The following FOXP1 variants were observed in gnomAD, a reference collection of about 807,000 sequenced individuals.
FOXP1 encodes forkhead box protein P1.
Under a neutral mutation model 98.2 loss-of-function variants are expected in FOXP1, and 15 were observed. The ratio of observed to expected loss-of-function variants is 0.15; its 90% CI spans 0.10 to 0.24. The LOEUF (loss-of-function observed/expected upper bound fraction) is 0.24, where lower values mean the gene tolerates loss of function less well. Ranked by LOEUF, FOXP1 falls within the 10% of genes least tolerant of loss-of-function variation. The pLI, the probability that FOXP1 is intolerant of heterozygous loss-of-function variation, is 1.00. For missense variants in FOXP1, 633 were observed against 848.5 expected, an observed-to-expected ratio of 0.75 and a Z score of 3.15; for synonymous variants, 371 against 314.5, an observed-to-expected ratio of 1.18 and a Z score of -1.90.
chr3:71,504,078 C>T (rs972911734), intron 2 of FOXP1, among the ~76,000 whole-genome samples: 1 of 152,160 alleles, frequency 6.6e-6, no homozygotes, highest in Non-Finnish European at 1.5e-5. Flanking sequence ...TTTCGCAAGT[C>T]AGTGAGCTTC....
intron 6 of FOXP1, among the ~76,000 whole-genome samples, chr3:71,114,285 A>C (rs967398696): frequency 2.0e-5 from 3 of 152,160 alleles, no homozygotes; most frequent in Non-Finnish European, 4.4e-5. Context: ...AATGGAAGAG[A>C]GGTAAGGGGG....
intron 5 of FOXP1, among the ~76,000 whole-genome samples, chr3:71,281,918 A>T (rs1037577728): frequency 2.7e-5 from 4 of 150,590 alleles, no homozygotes; most frequent in African/African-American, 9.8e-5. Flanking sequence ...CCAACATGGC[A>T]AACCTCTGTC....
At chr3:71,025,197 G>T (rs2045950358) in intron 11 of FOXP1, among the ~76,000 whole-genome samples, 1 of 152,170 alleles carries the variant, frequency 6.6e-6, no homozygotes, top group Non-Finnish European at 1.5e-5. Flanking sequence ...AAAGAATGTT[G>T]ACTGGGCCCT....
intron 6 of FOXP1, among the ~76,000 whole-genome samples, chr3:71,133,975 T>C (rs558811264): frequency 2.6e-5 from 4 of 152,348 alleles, no homozygotes; most frequent in African/African-American, 9.6e-5. Flanking sequence ...TAATACTCCT[T>C]GTCCCTTAAA....
At chr3:71,336,861 T>A (rs1477115725) in intron 4 of FOXP1, among the ~76,000 whole-genome samples, 2 of 152,070 alleles carry the variant, frequency 1.3e-5, no homozygotes, top group African/African-American at 4.8e-5. Flanking sequence ...AGCTTGCCAA[T>A]GTGCAGGAGA....
At chr3:71,099,777 C>T (rs1409839712) in intron 7 of FOXP1, among the ~76,000 whole-genome samples, 1 of 152,152 alleles carries the variant, frequency 6.6e-6, no homozygotes, top group African/African-American at 2.4e-5. Context: ...ATGCTGCCTC[C>T]TCCCCCAACA....
At chr3:71,291,519 C>T (rs2072744004) in intron 5 of FOXP1, among the ~76,000 whole-genome samples, 1 of 152,086 alleles carries the variant, frequency 6.6e-6, no homozygotes, top group African/African-American at 2.4e-5. Context: ...CAATGCCTGG[C>T]ATACAGCAGG....
intron 4 of FOXP1, among the ~76,000 whole-genome samples, chr3:71,350,718 A>G (rs1372536901): frequency 1.3e-5 from 2 of 152,210 alleles, no homozygotes; most frequent in South Asian, 2.1e-4. Context: ...GTTGTGGGTT[A>G]GCTGAACCAT....
At chr3:71,420,885 A>G (rs1027685154) in intron 3 of FOXP1, among the ~76,000 whole-genome samples, 1 of 151,998 alleles carries the variant, frequency 6.6e-6, no homozygotes, top group African/African-American at 2.4e-5. Context: ...TTTTTGGTAG[A>G]GACAGAGTCT....
intron 2 of FOXP1, 60 bp from the exon 3 acceptor site, chr3:71,493,615 C>T (rs1008701504): frequency 6.6e-6 from 1 of 152,194 alleles, no homozygotes; most frequent in Non-Finnish European, 1.5e-5. Flanking sequence ...ACCACCACTT[C>T]CTTACACTTG....
chr3:71,542,436 G>C (rs756492618), intron 2 of FOXP1, among the ~76,000 whole-genome samples: 1 of 152,196 alleles, frequency 6.6e-6, no homozygotes, highest in Non-Finnish European at 1.5e-5. Flanking sequence ...TCGAAATCTC[G>C]TTTTTATAGC....
chr3:71,292,404 AGATCACTGT>A (rs2072852459), intron 5 of FOXP1: 1 of 152,180 alleles, frequency 6.6e-6, no homozygotes, highest in African/African-American at 2.4e-5. Flanking sequence ...GCATGATCTC[AGATCACTGT>A]AACCTCTGCC....
chr3:71,473,512 C>T (rs1377959587), intron 3 of FOXP1, among the ~76,000 whole-genome samples: 1 of 152,110 alleles, frequency 6.6e-6, no homozygotes, highest in East Asian at 1.9e-4. Flanking sequence ...GTATAGCCTT[C>T]TCACAAGTAA....
At chr3:71,421,294 T>A (rs889149262) in intron 3 of FOXP1, among the ~76,000 whole-genome samples, 2 of 152,108 alleles carry the variant, frequency 1.3e-5, no homozygotes, top group Non-Finnish European at 2.9e-5. Flanking sequence ...ATAAAAAAAA[T>A]TAAACACATT....
At chr3:71,478,807 G>A (rs2090050428) in intron 3 of FOXP1, among the ~76,000 whole-genome samples, 1 of 152,214 alleles carries the variant, frequency 6.6e-6, no homozygotes, top group African/African-American at 2.4e-5. Flanking sequence ...TTGCCATGGT[G>A]AGGCACCATG....
At chr3:71,370,939 C>T (rs2079266722) in intron 3 of FOXP1, among the ~76,000 whole-genome samples, 2 of 151,748 alleles carry the variant, frequency 1.3e-5, no homozygotes, top group South Asian at 4.2e-4. Flanking sequence ...GTAACTGGGA[C>T]TACAGGCACA....
chr3:71,040,438 A>G (rs1287834411), intron 11 of FOXP1: 1 of 152,172 alleles, frequency 6.6e-6, no homozygotes, highest in South Asian at 2.1e-4. Context: ...TAGGAATAGC[A>G]AACAAAAAGT....
At chr3:71,247,750 T>C (rs1036098477) in intron 5 of FOXP1, among the ~76,000 whole-genome samples, 2 of 152,184 alleles carry the variant, frequency 1.3e-5, no homozygotes, top group Non-Finnish European at 2.9e-5. Context: ...GTCCTAATGG[T>C]TCACAGGAGG....
intron 11 of FOXP1, among the ~76,000 whole-genome samples, chr3:71,023,177 C>T (rs1320987106): frequency 6.6e-6 from 1 of 152,212 alleles, no homozygotes; most frequent in Non-Finnish European, 1.5e-5. Flanking sequence ...AGGCACCGAG[C>T]ATACTCATCA....
Sources: allele counts gnomAD v4.1 joint callset (sites outside exome capture counted in the v4.1 genomes callset), GRCh38; gene constraint gnomAD v4.1.1; transcripts MANE v1.5; gene names NCBI Gene and HGNC (gene_info 2026-07-23, HGNC 2026-07-21).